LRIG1: variants seen among roughly 807,000 people sequenced by gnomAD.
LRIG1 encodes the protein leucine rich repeats and immunoglobulin like domains 1.
In LRIG1, 48 loss-of-function variants were observed where a neutral mutation model predicts 99.2. The observed-to-expected ratio is 0.48, with a 90% CI of 0.38 to 0.62. The LOEUF (loss-of-function observed/expected upper bound fraction) is 0.62. Among genes scored for constraint, LRIG1 ranks in the 20% least tolerant of loss-of-function variants. The pLI is 0.00. For synonymous variants in LRIG1, 772 were observed against 596.1 expected (o/e 1.29, Z -4.30); for missense variants, 1,646 against 1,434.4 (o/e 1.15, Z -2.38).
At chr3:66,391,159 T>C (rs147969509) in intron 12 of LRIG1, among the ~76,000 whole-genome samples, 1 of 152,252 alleles carries the variant, frequency 6.6e-6, no homozygotes, top group Non-Finnish European at 1.5e-5. Context: ...AGACAGTTAA[T>C]AACACATGCT....
At chr3:66,490,284 C>T (rs940722976) in intron 1 of LRIG1, among the ~76,000 whole-genome samples, 1 of 152,186 alleles carries the variant, frequency 6.6e-6, no homozygotes, top group South Asian at 2.1e-4. Context: ...ATCTCCCCTC[C>T]TCCAAGATGG....
At chr3:66,471,202 T>A (rs889769200) in intron 1 of LRIG1, among the ~76,000 whole-genome samples, 1 of 152,148 alleles carries the variant, frequency 6.6e-6, no homozygotes, top group South Asian at 2.1e-4. Flanking sequence ...ATTAGAGAAG[T>A]GCTTTGCAGA....
intron 1 of LRIG1, among the ~76,000 whole-genome samples, chr3:66,484,653 G>C (rs553832669): frequency 6.6e-6 from 1 of 152,128 alleles, no homozygotes; most frequent in African/African-American, 2.4e-5. Context: ...GCTGGGACAG[G>C]TGGGGCCAGG....
intron 9 of LRIG1, among the ~76,000 whole-genome samples, chr3:66,403,815 A>AC (rs1251030654): frequency 1.3e-5 from 2 of 151,916 alleles, no homozygotes; most frequent in Admixed American, 1.3e-4. Context: ...CACTCTCACC[A>AC]CCCTCACCCT....
intron 2 of LRIG1, among the ~76,000 whole-genome samples, chr3:66,452,423 G>A (rs1389701826): frequency 6.6e-6 from 1 of 152,206 alleles, no homozygotes; most frequent in African/African-American, 2.4e-5. Flanking sequence ...ACATGGACAT[G>A]TATTTCCAAA....
intron 3 of LRIG1, among the ~76,000 whole-genome samples, chr3:66,450,139 G>T (rs780366567): frequency 6.6e-6 from 1 of 152,062 alleles, no homozygotes; most frequent in Non-Finnish European, 1.5e-5. Flanking sequence ...AAACCAAGTG[G>T]GTACAAAATA....
Position 66,383,071 on chromosome 3 carries a change from AC to A in LRIG1, c.2401del (p.Val801Ter). 6.2e-7 allele frequency: 1 copy of A among 1,614,204 alleles called. No individual in the cohort carries two copies. ...TTVGIFTIAV[V>X]SSIVLTSLVW... is the part of the protein sequence containing the mutation. Reference sequence around the variant, plus strand: ...CAGTGACGTCAGGACGATGCTGCTCACGACAGCAATGGTGAAGATGCCTACC... The same window carrying A: ...CAGTGACGTCAGGACGATGCTGCTCAGACAGCAATGGTGAAGATGCCTACC... On this transcript the variant is annotated frameshift_variant, in exon 15 of 19. Coordinates refer to ENST00000273261, the MANE Select transcript of LRIG1 (RefSeq NM_015541.3). LOFTEE classifies it high-confidence loss of function.
At chr3:66,486,833 C>T (rs1183858617) in intron 1 of LRIG1, among the ~76,000 whole-genome samples, 2 of 152,112 alleles carry the variant, frequency 1.3e-5, no homozygotes, top group Non-Finnish European at 2.9e-5. Context: ...TGTGTTTCTT[C>T]TACATTTAAA....
At chr3:66,416,394 A>G (rs898702494) in intron 4 of LRIG1, among the ~76,000 whole-genome samples, 2 of 152,220 alleles carry the variant, frequency 1.3e-5, no homozygotes, top group African/African-American at 4.8e-5. Flanking sequence ...AATGCGTTCC[A>G]AAGTTAACTC....
rs577013670 is a variant in LRIG1, at chr3:66,386,169, T to C, written c.1601A>G (p.Asn534Ser). 83 of 1,614,132 alleles carry C rather than the reference T, an allele frequency of 5.1e-5. 1 individual carries two copies. The highest frequency in any genetic ancestry group is 3.5e-4 in the South Asian group (32 of 91,076). ...CATGTCTGCATTGGTCAGGACTTCA[T>C]TGTCTTTCTTCCAGGCAAAGGTCAT... ...SPMTFAWKKD[N>S]EVLTNADMEN... Residue 534 changes from asparagine (N) to serine (S), a missense_variant, in exon 13 of 19, where the codon AAT (asparagine) becomes AGT (serine). Asn to Ser is a conservative substitution (Grantham distance 46). Coordinates refer to ENST00000273261, the MANE Select transcript of LRIG1 (RefSeq NM_015541.3).
At chr3:66,388,189 G>A (rs959250154) in intron 12 of LRIG1, 4 of 146,406 alleles carry the variant, frequency 2.7e-5, no homozygotes, top group Non-Finnish European at 4.5e-5. Flanking sequence ...TATGAACCAA[G>A]TAGAAATTTT....
In LRIG1 at chr3:66,379,346, C is replaced by G. The variant is rs1002310371; in HGVS notation, c.*917G>C. On this transcript the variant is annotated 3_prime_UTR_variant, in exon 19 of 19. Coordinates refer to ENST00000273261, the MANE Select transcript of LRIG1 (RefSeq NM_015541.3). ...GTCAGAACTTCCTCCTTTCTGTCCC[C>G]CAAGGCCAATGTAATACTCATTATA... The G allele has an allele frequency of 1.3e-5, 2 of 152,338 alleles. No individual in the cohort carries two copies. Among genetic ancestry groups the G allele is most frequent in the African/African-American group, 4.8e-5 (2 of 41,418 alleles). The allele number at this position is 152,338 out of a possible 1,614,324, so 9.4% of individuals were successfully genotyped here. A position where few individuals can be genotyped will look rare whatever the true frequency, so the allele number is the denominator to read the frequency against.
intron 9 of LRIG1, among the ~76,000 whole-genome samples, chr3:66,400,921 C>A (rs1388342418): frequency 6.6e-6 from 1 of 152,104 alleles, no homozygotes; most frequent in African/African-American, 2.4e-5. Flanking sequence ...CACCACCAGT[C>A]CGTGTGGCCA....
chr3:66,399,122 G>GA (rs1701964355), intron 9 of LRIG1, 81 bp from the exon 10 acceptor site: 1 of 1,166,970 alleles, frequency 8.6e-7, no homozygotes, highest in South Asian at 1.3e-5. Context: ...AAAAGAAAAA[G>GA]AAAACACACA....
At chr3:66,467,134 C>T (rs1700490534) in intron 1 of LRIG1, among the ~76,000 whole-genome samples, 1 of 152,132 alleles carries the variant, frequency 6.6e-6, no homozygotes, top group African/African-American at 2.4e-5. Flanking sequence ...AACTGTTTAC[C>T]AGTGCACAAC....
chr3:66,426,241 T>C (rs1338046274), intron 3 of LRIG1, among the ~76,000 whole-genome samples: 2 of 152,224 alleles, frequency 1.3e-5, no homozygotes, highest in African/African-American at 4.8e-5. Flanking sequence ...GTCTCTGTCA[T>C]GACCACTCAG....
intron 3 of LRIG1, among the ~76,000 whole-genome samples, chr3:66,427,031 G>A (rs909186640): frequency 2.0e-5 from 3 of 152,124 alleles, no homozygotes; most frequent in Admixed American, 6.5e-5. Context: ...CTGAACCTCC[G>A]GTTAGAAAAT....
At chr3:66,388,846 A>C (rs1701503274) in intron 12 of LRIG1, among the ~76,000 whole-genome samples, 1 of 152,252 alleles carries the variant, frequency 6.6e-6, no homozygotes, top group Non-Finnish European at 1.5e-5. Context: ...GGCCTGCCCC[A>C]CAAGAAATCC....
At chr3:66,469,993 TA>T in intron 1 of LRIG1, among the ~76,000 whole-genome samples, 1 of 151,896 alleles carries the variant, frequency 6.6e-6, no homozygotes, top group Middle Eastern at 3.5e-3. Flanking sequence ...GGTAGATCAG[TA>T]GCTACAAATT....
Sources: allele counts gnomAD v4.1 joint callset (sites outside exome capture counted in the v4.1 genomes callset), GRCh38; gene constraint gnomAD v4.1.1; transcripts MANE v1.5; gene names NCBI Gene and HGNC (gene_info 2026-07-23, HGNC 2026-07-21).